The following SYTL2 variants were observed in gnomAD, a reference collection of about 807,000 sequenced individuals.
SYTL2 encodes synaptotagmin-like protein 2.
In SYTL2, 165 loss-of-function variants were observed where a neutral mutation model predicts 198.7. The ratio of observed to expected loss-of-function variants is 0.83; its 90% confidence interval spans 0.73 to 0.94. The LOEUF is 0.94. Among genes scored for constraint, SYTL2 ranks in the 40% least tolerant of loss-of-function variants. The pLI is 0.00. For missense variants in SYTL2, 2,835 were observed against 2,582.8 expected (o/e 1.10, Z -2.12); for synonymous variants, 966 against 917.7 (o/e 1.05, Z -0.95).
chr11:85,779,093 C>T (rs2092512096), intron 1 of SYTL2, among the ~76,000 whole-genome samples: 1 of 152,062 alleles, frequency 6.6e-6, no homozygotes, highest in South Asian at 2.1e-4. Context: ...AACTACTATA[C>T]ATTTAGTTCT....
chr11:85,731,746 A>G (rs2089852396), intron 7 of SYTL2, among the ~76,000 whole-genome samples: 1 of 152,352 alleles, frequency 6.6e-6, no homozygotes, highest in South Asian at 2.1e-4. Flanking sequence ...ATCTAATTAA[A>G]CTAAAGAGCT....
At chr11:85,838,788 A>G in the SYTL2 span, among the ~76,000 whole-genome samples, 1 of 152,220 alleles carries the variant, frequency 6.6e-6, no homozygotes, top group Non-Finnish European at 1.5e-5. Context: ...TAAATATCCA[A>G]ATTATATCAG....
rs747291695 is a variant in SYTL2 at position 85,725,967 on chromosome 11, T to G, written c.3391A>C (p.Thr1131Pro). Residue 1131 changes from threonine (T) to proline (P), a missense_variant, in exon 8 of 20, where the codon ACT becomes CCT. Transcript: ENST00000359152. Reference sequence around the variant, plus strand: ...AGTTTCTGCAAGCTGTCATTAAAAGTGTCTTTGCAGTCTTTAGACAAAACA... The same window carrying G: ...AGTTTCTGCAAGCTGTCATTAAAAGGGTCTTTGCAGTCTTTAGACAAAACA... ...TNVLSKDCKD[T>P]FNDSLQKLLS... 1.9e-6 allele frequency: 3 copies of G among 1,614,204 alleles called. No homozygotes were observed. Among genetic ancestry groups the G allele is most frequent in the Admixed American group, 3.3e-5 (2 of 60,018 alleles).
At chr11:85,751,821 T>C (rs962324901) in intron 2 of SYTL2, among the ~76,000 whole-genome samples, 1 of 152,260 alleles carries the variant, frequency 6.6e-6, no homozygotes, top group Non-Finnish European at 1.5e-5. Context: ...ATGGCCATTT[T>C]ACCTCTTCTG....
chr11:85,833,175 G>C, the SYTL2 span, among the ~76,000 whole-genome samples: 1,326 of 138,252 alleles, frequency 9.6e-3, 44 homozygotes, highest in Non-Finnish European at 0.015. Flanking sequence ...AAGAAAGAAA[G>C]AAAGAAACAA....
intron 15 of SYTL2, 59 bp downstream of exon 15, chr11:85,707,370 G>C (rs1321594969): frequency 1.7e-6 from 2 of 1,157,598 alleles, no homozygotes; most frequent in Non-Finnish European, 2.6e-6. Flanking sequence ...ACTACCCAAA[G>C]AAGACATGGT....
chr11:85,834,760 CTTT>C, the SYTL2 span, among the ~76,000 whole-genome samples: 23,751 of 146,608 alleles, frequency 0.16, 2,047 homozygotes, highest in Middle Eastern at 0.21. Context: ...TTTTCTTTTT[CTTT>C]TTTTTTTTTC....
chr11:85,800,762 CA>C (rs1409754251), intron 1 of SYTL2, among the ~76,000 whole-genome samples: 1 of 152,156 alleles, frequency 6.6e-6, no homozygotes. Context: ...CTCAGTTCCA[CA>C]ACAGGGTCAC....
intron 19 of SYTL2, 146 bp from the exon 20 acceptor site, chr11:85,695,486 G>C: frequency 1.8e-6 from 1 of 560,058 alleles, no homozygotes; most frequent in Non-Finnish European, 3.1e-6. Context: ...TCAACATAAG[G>C]AAGAACTGTT....
At chr11:85,712,309 T>C (rs1389011578) in intron 12 of SYTL2, among the ~76,000 whole-genome samples, 1 of 152,214 alleles carries the variant, frequency 6.6e-6, no homozygotes, top group Non-Finnish European at 1.5e-5. Context: ...TCTCCCCACA[T>C]GCTGATAGTC....
At chr11:85,773,151 T>C (rs1216712679) in intron 1 of SYTL2, among the ~76,000 whole-genome samples, 1 of 152,156 alleles carries the variant, frequency 6.6e-6, no homozygotes, top group Non-Finnish European at 1.5e-5. Context: ...AGTTTCCACA[T>C]CTGCAAAAAC....
intron 3 of SYTL2, among the ~76,000 whole-genome samples, chr11:85,746,234 G>A (rs1181922162): frequency 6.6e-6 from 1 of 152,118 alleles, no homozygotes; most frequent in Non-Finnish European, 1.5e-5. Context: ...AATGATTATG[G>A]TCTAGGAATG....
At chr11:85,847,864 G>A in the SYTL2 span, among the ~76,000 whole-genome samples, 1 of 152,084 alleles carries the variant, frequency 6.6e-6, no homozygotes. Context: ...CTAGATCCCA[G>A]TCTTCTGGCA....
chr11:85,711,754 C>CAT (rs147439934), intron 12 of SYTL2, among the ~76,000 whole-genome samples: 8,709 of 151,606 alleles, frequency 0.057, 310 homozygotes, highest in South Asian at 0.1. Context: ...AACTCAAGGC[C>CAT]ATATATATAT....
At chr11:85,808,248 G>A (rs1007751577) in intron 1 of SYTL2, among the ~76,000 whole-genome samples, 9 of 151,988 alleles carry the variant, frequency 5.9e-5, no homozygotes, top group African/African-American at 1.9e-4. Flanking sequence ...TGTATTTTTA[G>A]TAGAGATGGG....
the SYTL2 span, among the ~76,000 whole-genome samples, chr11:85,833,098 A>AGAAAGAAAGAAAGAAGGAAGGAAG: frequency 3.1e-5 from 1 of 32,472 alleles, no homozygotes; most frequent in Non-Finnish European, 6.9e-5. Context: ...AAAGAAAGAA[A>AGAAAGAAAGAAAGAAGGAAGGAAG]GAAGGAAGGA....
chr11:85,807,265 C>T (rs1317748490), intron 1 of SYTL2, among the ~76,000 whole-genome samples: 2 of 152,182 alleles, frequency 1.3e-5, no homozygotes. Context: ...ACCAAGGAAA[C>T]CTACATTCTT....
At chr11:85,766,228 T>G (rs2153569498) in intron 1 of SYTL2, among the ~76,000 whole-genome samples, 1 of 152,316 alleles carries the variant, frequency 6.6e-6, no homozygotes, top group East Asian at 1.9e-4. Context: ...AGTTTGAACC[T>G]GAATTTTTCA....
intron 16 of SYTL2, among the ~76,000 whole-genome samples, chr11:85,702,583 T>C (rs2153384152): frequency 6.6e-6 from 1 of 152,280 alleles, no homozygotes; most frequent in East Asian, 1.9e-4. Context: ...CTGAAGGGCC[T>C]TAGCCTAGGA....
Sources: allele counts gnomAD v4.1 joint callset (sites outside exome capture counted in the v4.1 genomes callset), GRCh38; gene constraint gnomAD v4.1.1; transcripts MANE v1.5; gene names NCBI Gene and HGNC (gene_info 2026-07-23, HGNC 2026-07-21).